Variants in ANXA2R observed in about 807,000 individuals in gnomAD.
The protein encoded by ANXA2R is annexin A2 receptor, also known as annexin-2 receptor.
For synonymous variants in ANXA2R, 93 were observed against 93.6 expected, an observed-to-expected ratio of 0.99 and a Z score of 0.04; for missense variants, 244 against 241.5, an observed-to-expected ratio of 1.01 and a Z score of -0.07.
rs1742156790 is a variant in ANXA2R at position 43,039,839 on chromosome 5, G to T, written c.208C>A (p.Gln70Lys). 2 of 1,614,108 alleles carry T rather than the reference G, an allele frequency of 1.2e-6. No individual in the cohort carries two copies. Among genetic ancestry groups the T allele is most frequent in the African/African-American group, 1.3e-5 (1 of 74,934 alleles). Residue 70 changes from glutamine to lysine, a missense_variant, in exon 1 of 1, where the codon CAA becomes AAA. By Grantham distance (53) the Gln-to-Lys change is moderately conservative. Transcript: ENST00000616064. Reference protein sequence around the residue: ...PCWRLPGVYWQNGLSPGVQST... With the variant: ...PCWRLPGVYWKNGLSPGVQST... ...TGGACTCCAGGAGAGAGTCCGTTTT[G>T]CCAGTAGACTCCGGGCAGCCGCCAG... is the stretch of plus-strand genomic sequence containing the variant.
rs2111971134 is a variant in ANXA2R at position 43,040,137 on chromosome 5, G to C, written c.-91C>G. On this transcript the variant is annotated 5_prime_UTR_variant, in exon 1 of 1. Coordinates refer to ENST00000616064, the MANE Select transcript of ANXA2R (RefSeq NM_001014279.3). ...TGAGTATTTATGCTCTGCAGAGCCC[G>C]TGGGCGGAGGCCAGTCAGATATTAA... is the stretch of plus-strand genomic sequence containing the variant. 1 of 1,242,006 alleles carries C rather than the reference G, an allele frequency of 8.1e-7. No individual in the cohort carries two copies. 76.9% of individuals were successfully genotyped at this position (1,242,006 alleles called of 1,614,324 possible).
Position 43,039,889 on chromosome 5 carries a change from TCA to T in ANXA2R, c.156_157del (p.Cys52Ter), listed in dbSNP as rs1561349458. 1.9e-6 allele frequency: 3 copies of T among 1,614,084 alleles called. No homozygotes were observed. Among genetic ancestry groups the T allele is most frequent in the Non-Finnish European group, 2.5e-6 (3 of 1,180,042 alleles). ...GCAAGGGCTGGAAAGCAGTCCCAAA[TCA>T]CAGCTGTCCAGTGAGTACTCTCCTA... On this transcript the variant is annotated stop_gained and frameshift_variant, in exon 2 of 2. Coordinates refer to the ANXA2R transcript ENST00000314890. LOFTEE classifies it low-confidence loss of function (END_TRUNC).
chr5:43,043,099 G>A (rs1232817980), upstream of ANXA2R: 1 of 152,252 alleles, frequency 6.6e-6, no homozygotes, highest in Non-Finnish European at 1.5e-5. Flanking sequence ...CGCAACGGGC[G>A]AAGGCGCGGC....
upstream of ANXA2R, chr5:43,043,098 C>G (rs192616896): frequency 6.6e-6 from 1 of 152,246 alleles, no homozygotes; most frequent in Non-Finnish European, 1.5e-5. Context: ...ACGCAACGGG[C>G]GAAGGCGCGG....
rs778570636 is a variant in ANXA2R, at chr5:43,039,652, C to T, written c.395G>A (p.Arg132Lys). 6.2e-7 allele frequency: 1 copy of T among 1,613,526 alleles called. No individual in the cohort carries two copies. The highest frequency in any genetic ancestry group is 1.7e-5 in the Admixed American group (1 of 59,966). Residue 132 changes from arginine to lysine, a missense_variant, in exon 1 of 1, where the codon AGA (arginine) becomes AAA (lysine). Coordinates refer to ENST00000616064, the MANE Select transcript of ANXA2R (RefSeq NM_001014279.3). ...GTCACAGACCTCGGTGTCCTGCTGT[C>T]TGTCCCAGGGATGGAGAGGACTGCT... ...PWSSPLHPWD[R>K]QQDTEVCDSG...
At position 43,039,722 on chromosome 5, in the gene ANXA2R, G is replaced by A. The variant is rs138366284; in HGVS notation, c.325C>T (p.Gln109Ter). The change falls in exon 2 of 2, where the codon CAG (glutamine) becomes TAG (stop). Residue 109 changes from glutamine to a stop codon, truncating the protein, a stop_gained. Coordinates refer to the ANXA2R transcript ENST00000314890. LOFTEE classifies it low-confidence loss of function (END_TRUNC). The stretch of plus-strand genomic sequence containing the variant: ...CTGAGTCTGTCGGGTTCCTCTGCCT[G>A]CCCCACCTCTTCTACGGGTGCCTCT... The A allele has an allele frequency of 1.2e-6, 2 of 1,614,154 alleles. No individual in the cohort carries two copies. Among genetic ancestry groups the A allele is most frequent in the Non-Finnish European group, 1.7e-6 (2 of 1,179,994 alleles).
chr5:43,042,835 A>G (rs1251941587), upstream of ANXA2R: 1 of 152,652 alleles, frequency 6.6e-6, no homozygotes, highest in Non-Finnish European at 1.5e-5. This position sits in a 1 kb window ranked among gnomAD's most constrained non-coding sequence, Gnocchi z 5.6. Context: ...GCGCGGCCAC[A>G]GAAGTACATC....
upstream of ANXA2R, chr5:43,042,302 C>T (rs1169808253): frequency 6.5e-6 from 1 of 152,708 alleles, no homozygotes; most frequent in Non-Finnish European, 1.5e-5. This position sits in a 1 kb window ranked among gnomAD's most constrained non-coding sequence, Gnocchi z 5.6. Flanking sequence ...CTGCCGCCAC[C>T]GAGAAATGGA....
chr5:43,042,333 A>G (rs79608647), upstream of ANXA2R: 379 of 152,774 alleles, frequency 2.5e-3, 1 homozygote, highest in Middle Eastern at 3.4e-3. This position sits in a 1 kb window ranked among gnomAD's most constrained non-coding sequence, Gnocchi z 5.6. Flanking sequence ...TGTGAACAAG[A>G]GACCACGGCT....
In ANXA2R at chr5:43,039,833, C is replaced by G; in HGVS notation, c.214G>C (p.Gly72Arg). 6.2e-7 allele frequency: 1 copy of G among 1,614,196 alleles called. No individual in the cohort carries two copies. Among genetic ancestry groups the G allele is most frequent in the Non-Finnish European group, 8.5e-7 (1 of 1,180,044 alleles). Reference sequence around the variant, plus strand: ...GTGCTCTGGACTCCAGGAGAGAGTCCGTTTTGCCAGTAGACTCCGGGCAGC... The same window carrying G: ...GTGCTCTGGACTCCAGGAGAGAGTCGGTTTTGCCAGTAGACTCCGGGCAGC... ...WRLPGVYWQNGLSPGVQSTLE... is the reference protein window; with the variant it reads ...WRLPGVYWQNRLSPGVQSTLE... The change falls in exon 1 of 1, where the codon GGA (glycine) becomes CGA (arginine). Residue 72 changes from glycine to arginine, a missense_variant. Physicochemically the swap from Gly to Arg is moderately radical, Grantham distance 125. Coordinates refer to ENST00000616064, the MANE Select transcript of ANXA2R (RefSeq NM_001014279.3).
upstream of ANXA2R, chr5:43,040,356 C>CA (rs1479605889): frequency 1.8e-5 from 5 of 271,130 alleles, no homozygotes; most frequent in African/African-American, 4.5e-5. Flanking sequence ...CAAGAGCGCG[C>CA]AAGGGCCAAG....
Position 43,039,537 on chromosome 5 carries a change from A to G in ANXA2R, c.510T>C (p.Leu170=). 1.2e-6 allele frequency: 2 copies of G among 1,612,724 alleles called. No homozygotes were observed. Among genetic ancestry groups the G allele is most frequent in the Non-Finnish European group, 1.7e-6 (2 of 1,179,174 alleles). ...PGFSDCLEWI[L]RVGFAAFSVL... is the part of the protein sequence containing the mutation. ...CAGAGAACGCGGCAAAACCAACGCG[A>G]AGAATCCACTCCAGGCAGTCTGAGA... The change falls in exon 1 of 1, where the codon CTT becomes CTC. Residue 170 remains leucine (L), a synonymous_variant. Transcript: ENST00000616064.
Position 43,040,157 on chromosome 5 carries a change from T to C in ANXA2R, c.-111A>G. On this transcript the variant is annotated 5_prime_UTR_variant, in exon 1 of 1. In the 5' UTR this introduces an upstream ATG that the reference lacks. Transcript: ENST00000616064. ...AGCCCGTGGGCGGAGGCCAGTCAGATATTAAGAAACTCAGTAGTAACAAAT... is the reference window on the plus strand; with the variant it reads ...AGCCCGTGGGCGGAGGCCAGTCAGACATTAAGAAACTCAGTAGTAACAAAT... 3 of 988,650 alleles carry C rather than the reference T, an allele frequency of 3.0e-6. No homozygotes were observed. Among genetic ancestry groups the C allele is most frequent in the South Asian group, 1.8e-5 (1 of 55,968 alleles). 61.2% of individuals were successfully genotyped at this position (988,650 alleles called of 1,614,324 possible). A position where few individuals can be genotyped will look rare whatever the true frequency, so the allele number is the denominator to read the frequency against.
chr5:43,041,178 A>T (rs532422760), upstream of ANXA2R: 3 of 152,344 alleles, frequency 2.0e-5, no homozygotes, highest in African/African-American at 7.2e-5. Flanking sequence ...TGAAAAACAC[A>T]TCGGTAACAT....
At position 43,040,136 on chromosome 5, in the gene ANXA2R, C is replaced by G; in HGVS notation, c.-90G>C. On this transcript the variant is annotated 5_prime_UTR_variant, in exon 1 of 1. Transcript: ENST00000616064. ...CTGAGTATTTATGCTCTGCAGAGCC[C>G]GTGGGCGGAGGCCAGTCAGATATTA... 1 of 1,291,032 alleles carries G rather than the reference C, an allele frequency of 7.7e-7. No homozygotes were observed. The highest frequency in any genetic ancestry group is 1.1e-6 in the Non-Finnish European group (1 of 943,126). 80.0% of individuals were successfully genotyped at this position (1,291,032 alleles called of 1,614,324 possible). A position where few individuals can be genotyped will look rare whatever the true frequency, so the allele number is the denominator to read the frequency against.
upstream of ANXA2R, chr5:43,040,992 G>C (rs1207633496): frequency 6.6e-6 from 1 of 152,178 alleles, no homozygotes; most frequent in African/African-American, 2.4e-5. Context: ...CTCTGCATAG[G>C]AAGCGGAGCC....
Position 43,039,621 on chromosome 5 carries a change from C to G in ANXA2R, c.426G>C (p.Gly142=). 6.2e-7 allele frequency: 1 copy of G among 1,613,782 alleles called. No homozygotes were observed. The highest frequency in any genetic ancestry group is 1.1e-5 in the South Asian group (1 of 91,044). The change falls in exon 1 of 1, where the codon GGG becomes GGC. Residue 142 remains glycine, a synonymous_variant. Coordinates refer to ENST00000616064, the MANE Select transcript of ANXA2R (RefSeq NM_001014279.3). The part of the protein sequence containing the change: ...RQQDTEVCDS[G]CLLERRHPPA... ...GAGGATGGCGGCGTTCCAAAAGGCA[C>G]CCGCTGTCACAGACCTCGGTGTCCT... is the stretch of plus-strand genomic sequence containing the variant.
chr5:43,042,583 G>T (rs562798212), upstream of ANXA2R: 28 of 152,864 alleles, frequency 1.8e-4, no homozygotes, highest in African/African-American at 6.3e-4. This position sits in a 1 kb window ranked among gnomAD's most constrained non-coding sequence, Gnocchi z 5.6. Flanking sequence ...CCGCGAAGCC[G>T]GCACTAGAGG....
chr5:43,040,690 G>A (rs935426632), upstream of ANXA2R: 3 of 152,264 alleles, frequency 2.0e-5, no homozygotes, highest in African/African-American at 7.2e-5. Context: ...CGTTCAATGT[G>A]TTTGATAGGT....
Sources: allele counts gnomAD v4.1 joint callset, GRCh38; gene constraint gnomAD v4.1.1; non-coding constraint Gnocchi (gnomAD v3.1); transcripts MANE v1.5; gene names NCBI Gene and HGNC (gene_info 2026-07-23, HGNC 2026-07-21).